Variants in LMO1 observed in about 807,000 individuals in gnomAD.
LMO1 encodes LIM domain only 1.
In LMO1, 10 loss-of-function variants were observed where a neutral mutation model predicts 18.0. The ratio of observed to expected loss-of-function variants is 0.55; its 90% CI spans 0.34 to 0.94. The LOEUF is 0.94. LMO1 is among the 40% of genes least tolerant of loss of function. The probability of loss-of-function intolerance (pLI) is 0.02; values close to 1 mark genes in which losing one functional copy is unlikely to be tolerated. For missense variants in LMO1, 183 were observed against 205.7 expected (o/e 0.89, Z 0.68); for synonymous variants, 77 against 77.9 (o/e 0.99, Z 0.06).
chr11:8,239,194 C>G (rs376610825), intron 1 of LMO1, among the ~76,000 whole-genome samples: 1 of 152,216 alleles, frequency 6.6e-6, no homozygotes, highest in Non-Finnish European at 1.5e-5. Context: ...CTTCCCTGCA[C>G]AGCCTGGATT....
chr11:8,250,966 G>C (rs577101211), intron 1 of LMO1, among the ~76,000 whole-genome samples: 1 of 152,330 alleles, frequency 6.6e-6, no homozygotes, highest in Non-Finnish European at 1.5e-5. Flanking sequence ...AACAGCAGGG[G>C]ACAGGGCCTT....
chr11:8,266,659 C>A (rs1847264400), upstream of LMO1, among the ~76,000 whole-genome samples: 1 of 152,194 alleles, frequency 6.6e-6, no homozygotes, highest in Admixed American at 6.5e-5. Context: ...CAGCAATTTG[C>A]CCCTCCACCT....
rs1041185855 is a variant in LMO1, at chr11:8,242,079, C to G, written c.26-11575G>C. Among the ~76,000 whole-genome samples, 4 of 152,280 alleles carry G rather than the reference C, an allele frequency of 2.6e-5. No homozygotes were observed. In the East Asian group the frequency reaches 7.7e-4, roughly 29 times the overall value. Reference sequence around the variant, plus strand: ...GGCTTGTTGCTGCCCCTGTGCCACACCCCCTAGGTACCTGTAGCTATGTGG... The same window carrying G: ...GGCTTGTTGCTGCCCCTGTGCCACAGCCCCTAGGTACCTGTAGCTATGTGG... On this transcript the variant is annotated intron_variant, in intron 1 of 3. Coordinates refer to ENST00000335790, the MANE Select transcript of LMO1 (RefSeq NM_002315.3).
chr11:8,249,797 G>A (rs571302752), intron 1 of LMO1, among the ~76,000 whole-genome samples: 1 of 152,278 alleles, frequency 6.6e-6, no homozygotes, highest in East Asian at 1.9e-4. Flanking sequence ...GAATCCTTAT[G>A]ATTCTCTCCA....
At chr11:8,235,220 T>G (rs1052081297) in intron 1 of LMO1, among the ~76,000 whole-genome samples, 3 of 152,224 alleles carry the variant, frequency 2.0e-5, no homozygotes, top group Non-Finnish European at 4.4e-5. Context: ...AATTTCAAAC[T>G]TTCAGAACAC....
At chr11:8,240,403 T>C (rs1007898067) in intron 1 of LMO1, among the ~76,000 whole-genome samples, 1 of 152,188 alleles carries the variant, frequency 6.6e-6, no homozygotes, top group African/African-American at 2.4e-5. Context: ...ATCTTCCTTG[T>C]TGAGGGAAGC....
chr11:8,226,174 C>T (rs1452171957), intron 3 of LMO1, among the ~76,000 whole-genome samples: 3 of 152,052 alleles, frequency 2.0e-5, no homozygotes, highest in African/African-American at 7.2e-5. Context: ...TGGGAGGATA[C>T]GTTATCCCAT....
chr11:8,253,446 A>G (rs941646024), intron 1 of LMO1, among the ~76,000 whole-genome samples: 2 of 152,218 alleles, frequency 1.3e-5, no homozygotes, highest in African/African-American at 4.8e-5. Flanking sequence ...TGGAATTATT[A>G]TTAGAATTTA....
At chr11:8,265,172 A>C (rs551304946), upstream of LMO1, among the ~76,000 whole-genome samples, 1 of 152,350 alleles carries the variant, frequency 6.6e-6, no homozygotes, top group South Asian at 2.1e-4. Flanking sequence ...GACCTTAGCA[A>C]GTCTCTTTCT....
At chr11:8,260,203 G>T (rs1186989201) in intron 1 of LMO1, among the ~76,000 whole-genome samples, 1 of 152,160 alleles carries the variant, frequency 6.6e-6, no homozygotes, top group Non-Finnish European at 1.5e-5. Context: ...CAGCCCAGGG[G>T]CTCATTTGAC....
At chr11:8,228,652 CAA>C (rs34483450) in intron 2 of LMO1, among the ~76,000 whole-genome samples, 44,072 of 135,588 alleles carry the variant, frequency 0.33, 7,119 homozygotes, top group East Asian at 0.52. Flanking sequence ...TCTGCCAGAG[CAA>C]AAAAAAAAAA....
intron 1 of LMO1, among the ~76,000 whole-genome samples, chr11:8,238,349 C>G (rs1952797656): frequency 6.6e-6 from 1 of 152,136 alleles, no homozygotes; most frequent in African/African-American, 2.4e-5. Context: ...AGCTCCCAAA[C>G]AGGCAAAACC....
chr11:8,230,573 C>A, intron 1 of LMO1, 69 bp from the exon 2 acceptor site: 1 of 1,483,212 alleles, frequency 6.7e-7, no homozygotes, highest in Non-Finnish European at 9.3e-7. Flanking sequence ...GAATATCCCC[C>A]AAGAATGGGG....
chr11:8,256,491 T>C (rs1847100006), intron 1 of LMO1, among the ~76,000 whole-genome samples: 1 of 152,242 alleles, frequency 6.6e-6, no homozygotes, highest in Non-Finnish European at 1.5e-5. Flanking sequence ...GCTAGTGACC[T>C]GAGCCCATGG....
At chr11:8,244,991 C>T (rs1311645068) in intron 1 of LMO1, among the ~76,000 whole-genome samples, 1 of 152,212 alleles carries the variant, frequency 6.6e-6, no homozygotes, top group Non-Finnish European at 1.5e-5. Context: ...CCTCGTGTGC[C>T]CTATAACCTT....
At chr11:8,259,236 G>A (rs1340042655) in intron 1 of LMO1, among the ~76,000 whole-genome samples, 5 of 152,198 alleles carry the variant, frequency 3.3e-5, no homozygotes, top group Admixed American at 3.3e-4. Context: ...TCCCCCCTTA[G>A]TGCTGCTCTG....
upstream of LMO1, among the ~76,000 whole-genome samples, chr11:8,264,954 C>T (rs1274738291): frequency 1.3e-5 from 2 of 152,182 alleles, no homozygotes; most frequent in African/African-American, 2.4e-5. Context: ...CTTTTAAATC[C>T]CAAGTCTTTT....
intron 2 of LMO1, among the ~76,000 whole-genome samples, chr11:8,227,520 TAAAAC>T (rs1478569895): frequency 6.6e-6 from 1 of 152,216 alleles, no homozygotes; most frequent in Non-Finnish European, 1.5e-5. Context: ...ACCTCATCTG[TAAAAC>T]AAAGCCTGAA....
intron 1 of LMO1, among the ~76,000 whole-genome samples, chr11:8,248,801 T>A (rs932980535): frequency 3.3e-5 from 5 of 152,168 alleles, no homozygotes; most frequent in Non-Finnish European, 7.4e-5. Context: ...GGTGGCTGGA[T>A]AGGTCTAGAC....
Sources: allele counts gnomAD v4.1 joint callset (sites outside exome capture counted in the v4.1 genomes callset), GRCh38; gene constraint gnomAD v4.1.1; transcripts MANE v1.5; gene names NCBI Gene and HGNC (gene_info 2026-07-23, HGNC 2026-07-21).